Variants in GEMIN2 observed in about 807,000 individuals in gnomAD.
GEMIN2 encodes gem nuclear organelle associated protein 2.
In GEMIN2, 37 loss-of-function variants were observed where a neutral mutation model predicts 45.8. That is an observed-to-expected ratio of 0.81 (90% CI 0.62 to 1.06). GEMIN2 has a LOEUF of 1.06. GEMIN2 is among the 50% of genes least tolerant of loss of function. GEMIN2 has a pLI of 0.00. For synonymous variants in GEMIN2, 101 were observed against 111.5 expected (o/e 0.91, Z 0.60); for missense variants, 335 against 321.8 (o/e 1.04, Z -0.31).
intron 2 of GEMIN2, among the ~76,000 whole-genome samples, chr14:39,117,023 A>G (rs2052517085): frequency 6.6e-6 from 1 of 152,220 alleles, no homozygotes; most frequent in African/African-American, 2.4e-5. Context: ...CTGTAATCCC[A>G]GCACTTTGGG....
chr14:39,123,969 G>C (rs2052609741), intron 5 of GEMIN2, among the ~76,000 whole-genome samples: 1 of 149,430 alleles, frequency 6.7e-6, no homozygotes, highest in South Asian at 2.1e-4. Context: ...CATGTTGCAA[G>C]GTTGGCCTGA....
chr14:39,127,090 C>CCTT (rs760714095), intron 6 of GEMIN2, among the ~76,000 whole-genome samples: 3 of 124,574 alleles, frequency 2.4e-5, no homozygotes, highest in Admixed American at 8.6e-5. Flanking sequence ...ACAAATACAT[C>CCTT]TTTTTTTTTT....
chr14:39,123,906 C>T (rs573690354), intron 5 of GEMIN2, among the ~76,000 whole-genome samples: 14 of 149,616 alleles, frequency 9.4e-5, no homozygotes, highest in East Asian at 5.9e-4. Flanking sequence ...TTTTTTGTAG[C>T]GATAAGTTTT....
intron 3 of GEMIN2, 118 bp downstream of exon 3, chr14:39,118,206 C>T: frequency 2.0e-6 from 1 of 501,602 alleles, no homozygotes; most frequent in South Asian, 3.7e-5. Flanking sequence ...GAATTAATTA[C>T]CAAATTATTT....
chr14:39,129,568 C>A (rs2052688716), intron 7 of GEMIN2, among the ~76,000 whole-genome samples: 1 of 151,836 alleles, frequency 6.6e-6, no homozygotes, highest in Non-Finnish European at 1.5e-5. Flanking sequence ...CACCTGCCAC[C>A]ACACCCAGCT....
At chr14:39,121,594 T>C (rs1178407577) in intron 4 of GEMIN2, among the ~76,000 whole-genome samples, 3 of 152,242 alleles carry the variant, frequency 2.0e-5, no homozygotes, top group Non-Finnish European at 4.4e-5. Context: ...TTAGGCACTA[T>C]GTTTGTCAGG....
intron 6 of GEMIN2, among the ~76,000 whole-genome samples, chr14:39,127,090 C>CTTT (rs35988558): frequency 2.4e-5 from 3 of 124,550 alleles, no homozygotes; most frequent in Non-Finnish European, 5.0e-5. Flanking sequence ...ACAAATACAT[C>CTTT]TTTTTTTTTT....
rs769870401 is a variant in GEMIN2 at position 39,114,394 on chromosome 14, C to A, written c.56C>A (p.Pro19Gln). 1 of 1,613,766 alleles carries A rather than the reference C, an allele frequency of 6.2e-7. No individual in the cohort carries two copies. The highest frequency in any genetic ancestry group is 1.7e-5 in the Admixed American group (1 of 60,024). The change falls in exon 1 of 10, where the codon CCG (proline) becomes CAG (glutamine). Residue 19 changes from proline (P) to glutamine (Q), a missense_variant. Coordinates refer to ENST00000308317, the MANE Select transcript of GEMIN2 (RefSeq NM_003616.3). ...GAAGAGTTGATGCCTCGGCTATTGC[C>A]GGTAGAGCCTTGCGACTTGACGGAA... ...AVEELMPRLL[P>Q]VEPCDLTEGF... is the part of the protein sequence containing the mutation.
intron 4 of GEMIN2, among the ~76,000 whole-genome samples, chr14:39,121,517 G>A (rs2052572533): frequency 6.6e-6 from 1 of 152,164 alleles, no homozygotes; most frequent in Non-Finnish European, 1.5e-5. Context: ...GGGCGACAGA[G>A]CAAGACCCTG....
intron 9 of GEMIN2, among the ~76,000 whole-genome samples, chr14:39,134,951 C>T (rs1374024394): frequency 2.0e-5 from 3 of 152,270 alleles, no homozygotes; most frequent in Non-Finnish European, 4.4e-5. Flanking sequence ...CTACTCTTTA[C>T]AATAGATCAG....
At chr14:39,118,441 T>G in intron 3 of GEMIN2, 99 bp from the exon 4 acceptor site, 1 of 705,282 alleles carries the variant, frequency 1.4e-6, no homozygotes, top group Non-Finnish European at 2.6e-6. Flanking sequence ...ACCTTTCCCA[T>G]TTTTCAAGTT....
chr14:39,133,182 TTA>T (rs1381661300), intron 8 of GEMIN2, among the ~76,000 whole-genome samples: 3 of 46,392 alleles, frequency 6.5e-5, no homozygotes, highest in East Asian at 2.2e-3. Flanking sequence ...ATTGTATGCA[TTA>T]TATAGAGGAA....
intron 6 of GEMIN2, among the ~76,000 whole-genome samples, chr14:39,125,863 T>C (rs1470830574): frequency 6.6e-6 from 1 of 151,850 alleles, no homozygotes; most frequent in Non-Finnish European, 1.5e-5. Context: ...CTACTAAAAA[T>C]ACAAAAATTA....
chr14:39,134,836 T>C (rs1476038401), intron 9 of GEMIN2, among the ~76,000 whole-genome samples: 2 of 152,220 alleles, frequency 1.3e-5, no homozygotes, highest in Non-Finnish European at 2.9e-5. Context: ...GCTAAACTTT[T>C]AACTATGCTG....
chr14:39,126,738 A>C (rs1169405348), intron 6 of GEMIN2, among the ~76,000 whole-genome samples: 1 of 151,388 alleles, frequency 6.6e-6, no homozygotes, highest in East Asian at 1.9e-4. Flanking sequence ...TGAATTTAGA[A>C]ATAAACTGAT....
chr14:39,118,033 C>A lies in GEMIN2; in HGVS notation c.257C>A (p.Ser86Tyr), dbSNP rs766096432. The A allele has an allele frequency of 6.2e-7, 1 of 1,608,112 alleles. No individual in the cohort carries two copies. Among genetic ancestry groups the A allele is most frequent in the South Asian group, 1.1e-5 (1 of 90,710 alleles). Residue 86 changes from serine to tyrosine, a missense_variant, in exon 3 of 10, where the codon TCC becomes TAC. Physicochemically the swap from Ser to Tyr is moderately radical, Grantham distance 144. Coordinates refer to ENST00000308317, the MANE Select transcript of GEMIN2 (RefSeq NM_003616.3). ...TGCCAACCCGCCCCTGAAGGTTATT[C>A]CCCAACACTTCAATGGCAACAGCAA... Reference protein sequence around the residue: ...SGCQPAPEGYSPTLQWQQQQV... With the variant: ...SGCQPAPEGYYPTLQWQQQQV...
At chr14:39,136,403 A>C in intron 9 of GEMIN2, 37 bp from the exon 10 acceptor site, 1 of 1,046,502 alleles carries the variant, frequency 9.6e-7, no homozygotes, top group Non-Finnish European at 1.5e-6. Flanking sequence ...TACAGTTAAT[A>C]TCTTTATACA....
Position 39,118,068 on chromosome 14 carries a change from C to G in GEMIN2, c.292C>G (p.Gln98Glu). 6.3e-7 allele frequency: 1 copy of G among 1,595,502 alleles called. No homozygotes were observed. Among genetic ancestry groups the G allele is most frequent in the Non-Finnish European group, 8.6e-7 (1 of 1,165,480 alleles). The stretch of plus-strand genomic sequence containing the variant: ...TCAATGGCAACAGCAACAAGTGGCA[C>G]AGTTTTCAACTGTTCGACAGGTAAG... ...TLQWQQQQVAQFSTVRQNVNK... is the reference protein window; with the variant it reads ...TLQWQQQQVAEFSTVRQNVNK... The change falls in exon 3 of 10, where the codon CAG (glutamine) becomes GAG (glutamate). Residue 98 changes from glutamine to glutamate, a missense_variant. Physicochemically the swap from Gln to Glu is conservative, Grantham distance 29. Coordinates refer to ENST00000308317, the MANE Select transcript of GEMIN2 (RefSeq NM_003616.3).
intron 8 of GEMIN2, among the ~76,000 whole-genome samples, chr14:39,132,539 AG>A (rs946136955): frequency 4.6e-5 from 7 of 152,102 alleles, no homozygotes; most frequent in Non-Finnish European, 8.8e-5. Context: ...TCAAAAAAGA[AG>A]TAGGTAAAAA....
Sources: allele counts gnomAD v4.1 joint callset (sites outside exome capture counted in the v4.1 genomes callset), GRCh38; gene constraint gnomAD v4.1.1; transcripts MANE v1.5; gene names NCBI Gene and HGNC (gene_info 2026-07-23, HGNC 2026-07-21).